ZNF208: variants seen among roughly 807,000 people sequenced by gnomAD.
ZNF208 encodes zinc finger protein 208, also known as zinc finger protein 95.
A neutral mutation model predicts 12.1 loss-of-function variants in ZNF208; 10 were observed. The ratio of observed to expected loss-of-function variants is 0.83; its 90% CI spans 0.51 to 1.40. The LOEUF (loss-of-function observed/expected upper bound fraction) is 1.40, where lower values mean the gene tolerates loss of function less well. Ranked by LOEUF, ZNF208 falls within the 40% of genes most tolerant of loss-of-function variation. The pLI is 0.00. For synonymous variants in ZNF208, 497 were observed against 488.4 expected (o/e 1.02, Z -0.23); for missense variants, 1,652 against 1,485.0 (o/e 1.11, Z -1.85).
At position 21,974,280 on chromosome 19, in the gene ZNF208, T is replaced by C. The variant is rs1970381360; in HGVS notation, c.754A>G (p.Thr252Ala). The part of the protein sequence containing the change: ...SILTKHKVIH[T>A]GEKSYKCEEC... ...TCACATTTGTAGGATTTCTCTCCAG[T>C]ATGAATTACCTTATGTTTAGTAAGG... Residue 252 changes from threonine to alanine, a missense_variant, in exon 4 of 4, where the codon ACT (threonine) becomes GCT (alanine). This residue lies in a region of ZNF208 where 410 missense variants were observed against 378.2 expected (regional missense o/e 1.08). Transcript: ENST00000397126. 6.2e-7 allele frequency: 1 copy of C among 1,613,224 alleles called. No individual in the cohort carries two copies. The highest frequency in any genetic ancestry group is 8.5e-7 in the Non-Finnish European group (1 of 1,179,646).
intron 4 of ZNF208, among the ~76,000 whole-genome samples, chr19:21,953,413 A>G (rs201930446): frequency 8.0e-6 from 1 of 124,482 alleles, no homozygotes; most frequent in Admixed American, 8.1e-5. Flanking sequence ...GGTAGCCAGA[A>G]AGGTCAGGTT....
chr19:21,944,646 G>T (rs551481020), intron 4 of ZNF208, among the ~76,000 whole-genome samples: 2 of 152,252 alleles, frequency 1.3e-5, no homozygotes, highest in Admixed American at 1.3e-4. Flanking sequence ...TAATAATGAA[G>T]ATTGAAGCTC....
chr19:21,946,579 A>G (rs1969818594), intron 4 of ZNF208, among the ~76,000 whole-genome samples: 1 of 152,204 alleles, frequency 6.6e-6, no homozygotes. Context: ...TCTGGGTATT[A>G]TCTCAAACAA....
At chr19:21,960,657 C>A (rs981517998) in intron 4 of ZNF208, among the ~76,000 whole-genome samples, 1 of 152,168 alleles carries the variant, frequency 6.6e-6, no homozygotes, top group African/African-American at 2.4e-5. Flanking sequence ...CCCACCTATC[C>A]TGAATGTCAA....
At chr19:21,959,246 T>C (rs573412943) in intron 4 of ZNF208, among the ~76,000 whole-genome samples, 15 of 152,288 alleles carry the variant, frequency 9.8e-5, no homozygotes, top group African/African-American at 3.6e-4. Context: ...AGCAACATAA[T>C]ACTTCACAAA....
At position 21,966,698 on chromosome 19, in the gene ZNF208, T is replaced by A. The variant is rs1380969658; in HGVS notation, c.*4493A>T. On this transcript the variant is annotated 3_prime_UTR_variant, in exon 4 of 4. Coordinates refer to ENST00000397126, the MANE Select transcript of ZNF208 (RefSeq NM_007153.3). ...AAGTCCCCAAACTGCTTTGCACAGG[T>A]TCTGAATTAATTTGCATTCCCACCA... 6.6e-6 allele frequency: 1 copy of A among 152,136 alleles called. No individual in the cohort carries two copies. The highest frequency in any genetic ancestry group is 1.5e-5 in the Non-Finnish European group (1 of 68,010). 9.4% of individuals were successfully genotyped at this position (152,136 alleles called of 1,614,324 possible).
Position 21,975,353 on chromosome 19 carries a change from C to A in ZNF208, c.227-546G>T, listed in dbSNP as rs187818449. 1.1e-3 allele frequency among the ~76,000 whole-genome samples: 168 copies of A among 152,238 alleles called. 1 individual carries two copies. The highest frequency in any genetic ancestry group is 3.7e-3 in the African/African-American group (155 of 41,544). ...CAAAGGTAAATGCACTGCAGCAGAG[C>A]ACTGCAGTCCTGCAGAGAGAGACCA... On this transcript the variant is annotated intron_variant, in intron 3 of 3. Transcript: ENST00000397126.
intron 4 of ZNF208, among the ~76,000 whole-genome samples, chr19:21,943,135 A>G (rs1969768167): frequency 6.6e-6 from 1 of 152,206 alleles, no homozygotes; most frequent in Admixed American, 6.5e-5. Context: ...ACGTAAGAAA[A>G]AAACTGCAAT....
chr19:21,946,074 G>A (rs1969811685), intron 4 of ZNF208, among the ~76,000 whole-genome samples: 1 of 152,220 alleles, frequency 6.6e-6, no homozygotes, highest in Non-Finnish European at 1.5e-5. Flanking sequence ...AGAAATGTCT[G>A]CTCTTTGCAT....
In ZNF208 at chr19:21,973,807, G is replaced by T; in HGVS notation, c.1227C>A (p.Phe409Leu). 6.2e-7 allele frequency: 1 copy of T among 1,605,744 alleles called. No individual in the cohort carries two copies. The highest frequency in any genetic ancestry group is 8.5e-7 in the Non-Finnish European group (1 of 1,173,680). Reference protein sequence around the residue: ...CEECGKGFSMFSILTKHEVIH... With the variant: ...CEECGKGFSMLSILTKHEVIH... Reference sequence around the variant, plus strand: ...TGACCTCATGTTTAGTAAGGATTGAGAACATACTAAAACCTTTGCCACATT... The same window carrying T: ...TGACCTCATGTTTAGTAAGGATTGATAACATACTAAAACCTTTGCCACATT... The change falls in exon 4 of 4, where the codon TTC (phenylalanine) becomes TTA (leucine). Residue 409 changes from phenylalanine (F) to leucine (L), a missense_variant. Transcript: ENST00000397126.
intron 1 of ZNF208, among the ~76,000 whole-genome samples, chr19:22,009,240 T>C (rs1019265179): frequency 1.3e-5 from 2 of 152,046 alleles, no homozygotes; most frequent in Admixed American, 6.5e-5. Context: ...GGAGGGGAAA[T>C]TGGCGTTTGG....
At chr19:21,998,418 AGTGCTGGGATTACAG>A (rs953940920) in intron 1 of ZNF208, 3 of 152,472 alleles carry the variant, frequency 2.0e-5, no homozygotes, top group African/African-American at 7.3e-5. Flanking sequence ...CGGCCTCCCA[AGTGCTGGGATTACAG>A]GCGTGAGCTG....
In ZNF208 at chr19:21,944,509, G is replaced by A. The variant is rs187665568; in HGVS notation, c.306-11272C>T. Among the ~76,000 whole-genome samples the A allele has an allele frequency of 1.4e-3, 210 of 151,938 alleles. 2 individuals carry two copies. Among genetic ancestry groups the A allele is most frequent in the African/African-American group, 4.9e-3 (205 of 41,438 alleles). On this transcript the variant is annotated intron_variant, in intron 4 of 4. Transcript: ENST00000599916. The stretch of plus-strand genomic sequence containing the variant: ...CCACTCACTTATAATAAAATATTTT[G>A]AAATATGCATGGTTTTATTCTTATT...
At chr19:21,964,297 A>G (rs1379907548), downstream of ZNF208, among the ~76,000 whole-genome samples, 2 of 151,830 alleles carry the variant, frequency 1.3e-5, no homozygotes, top group African/African-American at 4.8e-5. Flanking sequence ...AACTTTAAAT[A>G]TCATGAACAG....
intron 3 of ZNF208, among the ~76,000 whole-genome samples, chr19:21,976,833 T>C (rs562562086): frequency 6.6e-6 from 1 of 152,268 alleles, no homozygotes; most frequent in Non-Finnish European, 1.5e-5. Context: ...AGTGCTGGGA[T>C]TACAGGCATG....
chr19:21,995,013 G>A (rs1389521615), intron 1 of ZNF208, among the ~76,000 whole-genome samples: 4 of 149,358 alleles, frequency 2.7e-5, no homozygotes, highest in East Asian at 2.0e-4. Flanking sequence ...GTGCGATGGT[G>A]TGATCTCAGC....
rs1970394450 is a variant in ZNF208 at position 21,974,696 on chromosome 19, A to C, written c.338T>G (p.Leu113Ter). The C allele has an allele frequency of 1.2e-6, 2 of 1,613,602 alleles. No homozygotes were observed. The highest frequency in any genetic ancestry group is 1.7e-6 in the Non-Finnish European group (2 of 1,179,724). ...YEKCGHENLH[L>*]KIGYTNVDEC... ...ATCCACATTGGTATAACCAATTTTT[A>C]AGTGTAAATTCTCATGTCCACATTT... Residue 113 changes from leucine to a stop codon, truncating the protein, a stop_gained, in exon 4 of 4, where the codon TTA becomes TGA. Coordinates refer to ENST00000397126, the MANE Select transcript of ZNF208 (RefSeq NM_007153.3). LOFTEE classifies it low-confidence loss of function (END_TRUNC).
intron 3 of ZNF208, among the ~76,000 whole-genome samples, chr19:21,982,043 A>G (rs1970547806): frequency 6.6e-6 from 1 of 152,272 alleles, no homozygotes; most frequent in Middle Eastern, 3.4e-3. Flanking sequence ...CAAGAAAATA[A>G]GAGAGGACAC....
downstream of ZNF208, among the ~76,000 whole-genome samples, chr19:21,963,616 C>T (rs992468923): frequency 6.6e-6 from 1 of 151,958 alleles, no homozygotes; most frequent in Non-Finnish European, 1.5e-5. Context: ...TTTAATTGAA[C>T]TGTCATTTGC....
Sources: gnomAD v4.1 joint callset for allele counts (sites outside exome capture counted in the v4.1 genomes callset) on GRCh38, gnomAD v4.1.1 for gene constraint, gnomAD v4.1.1 regional missense constraint, MANE v1.5 for transcripts, NCBI Gene and HGNC (gene_info 2026-07-23, HGNC 2026-07-21) for gene names.